Variants in RTN3 observed in about 807,000 individuals in gnomAD.
The protein encoded by RTN3 is reticulon-3.
In RTN3, 49 loss-of-function variants were observed where a neutral mutation model predicts 77.8. That is an observed-to-expected ratio of 0.63 (90% CI 0.50 to 0.80). The LOEUF (loss-of-function observed/expected upper bound fraction) is 0.80, where lower values mean the gene tolerates loss of function less well. RTN3 is among the 30% of genes least tolerant of loss of function. RTN3 has a pLI of 0.00. For synonymous variants in RTN3, 464 were observed against 446.9 expected, an observed-to-expected ratio of 1.04 and a Z score of -0.48; for missense variants, 1,236 against 1,211.9, an observed-to-expected ratio of 1.02 and a Z score of -0.29.
At chr11:63,721,587 A>G (rs947713348) in intron 3 of RTN3, among the ~76,000 whole-genome samples, 1 of 151,888 alleles carries the variant, frequency 6.6e-6, no homozygotes, top group African/African-American at 2.4e-5. Context: ...AAAAAAAAAA[A>G]AAAAGAAAAT....
In RTN3 at chr11:63,684,129, GTTTTTTTTTTTTTT is replaced by G. The variant is rs61663789; in HGVS notation, c.142+2363_142+2376del. 4.7e-5 allele frequency among the ~76,000 whole-genome samples: 4 copies of G among 85,272 alleles called. No individual in the cohort carries two copies. The East Asian group carries it at 1.1e-3, about 24-fold the overall frequency. The allele number at this position is 85,272 out of a possible 152,430, so 55.9% of individuals were successfully genotyped here. A position where few individuals can be genotyped will look rare whatever the true frequency, so the allele number is the denominator to read the frequency against. ...ACCACGCGTGGTTAATTTTCTTTTG[GTTTTTTTTTTTTTT>G]TTTTTTTTTTTGGTTTTTTTTTTGA... On this transcript the variant is annotated intron_variant, in intron 1 of 8. Transcript: ENST00000377819.
intron 8 of RTN3, among the ~76,000 whole-genome samples, chr11:63,757,424 C>A (rs2014434619): frequency 6.6e-6 from 1 of 152,170 alleles, no homozygotes; most frequent in Non-Finnish European, 1.5e-5. Context: ...AAGCTGAAAG[C>A]TCACTGCAGC....
At chr11:63,712,774 C>T (rs2011196513) in intron 2 of RTN3, among the ~76,000 whole-genome samples, 1 of 152,080 alleles carries the variant, frequency 6.6e-6, no homozygotes, top group East Asian at 1.9e-4. Flanking sequence ...CGTGAGCCAC[C>T]GTGCCTGGCC....
intron 1 of RTN3, among the ~76,000 whole-genome samples, chr11:63,688,678 A>G (rs1941501200): frequency 6.6e-6 from 1 of 152,190 alleles, no homozygotes; most frequent in Non-Finnish European, 1.5e-5. Context: ...GTGGCTGGTA[A>G]GAACCTCAGT....
intron 3 of RTN3, among the ~76,000 whole-genome samples, chr11:63,745,452 C>T (rs2013739538): frequency 6.6e-6 from 1 of 152,200 alleles, no homozygotes; most frequent in Non-Finnish European, 1.5e-5. Context: ...GTTAGACAGG[C>T]TGGTCAGTGT....
intron 2 of RTN3, among the ~76,000 whole-genome samples, chr11:63,717,829 A>G (rs2011494848): frequency 6.6e-6 from 1 of 151,804 alleles, no homozygotes; most frequent in Non-Finnish European, 1.5e-5. Flanking sequence ...AGCCTGGCCA[A>G]CATGGTGAAA....
At chr11:63,723,416 C>CTTT (rs747766171) in intron 3 of RTN3, among the ~76,000 whole-genome samples, 1 of 136,272 alleles carries the variant, frequency 7.3e-6, no homozygotes, top group Non-Finnish European at 1.6e-5. Flanking sequence ...ATTTATTTAT[C>CTTT]TTTTTTTTTT....
intron 7 of RTN3, 129 bp from the exon 8 acceptor site, chr11:63,755,983 G>T (rs1327784890): frequency 4.6e-6 from 3 of 655,390 alleles, no homozygotes; most frequent in South Asian, 1.9e-5. Flanking sequence ...TTTAAAAACT[G>T]GGTGTTTTCA....
At chr11:63,711,502 A>T (rs1590817478) in intron 2 of RTN3, among the ~76,000 whole-genome samples, 1 of 151,062 alleles carries the variant, frequency 6.6e-6, no homozygotes, top group African/African-American at 2.4e-5. Flanking sequence ...CAATCCTCCC[A>T]CCTTAGCTTC....
intron 3 of RTN3, among the ~76,000 whole-genome samples, chr11:63,735,600 C>CTCTCTCTCTCTCTCTT (rs2013062419): frequency 1.4e-5 from 2 of 147,160 alleles, no homozygotes; most frequent in East Asian, 2.0e-4. Flanking sequence ...CTCTCTCTCT[C>CTCTCTCTCTCTCTCTT]TTTCTTTCAA....
chr11:63,704,817 T>G, intron 1 of RTN3, 34 bp from the exon 2 acceptor site: 6 of 1,469,910 alleles, frequency 4.1e-6, no homozygotes, highest in Middle Eastern at 1.7e-4. Context: ...CTGTGTGAGG[T>G]TGTCATATTC....
chr11:63,744,690 G>C (rs899873640), intron 3 of RTN3, among the ~76,000 whole-genome samples: 3 of 152,066 alleles, frequency 2.0e-5, no homozygotes, highest in African/African-American at 7.2e-5. Flanking sequence ...GAAAATAAAA[G>C]AGAATGAAAA....
At chr11:63,724,252 G>C (rs1227084795) in intron 3 of RTN3, among the ~76,000 whole-genome samples, 1 of 134,874 alleles carries the variant, frequency 7.4e-6, no homozygotes, top group African/African-American at 2.9e-5. Context: ...GCGCAATCTC[G>C]GCTCACTGCA....
Position 63,759,249 on chromosome 11 carries a change from T to G in RTN3, c.*1048T>G, listed in dbSNP as rs998369908. 1.3e-5 allele frequency: 2 copies of G among 152,210 alleles called. No individual in the cohort carries two copies. The highest frequency in any genetic ancestry group is 4.8e-5 in the African/African-American group (2 of 41,440). The allele number at this position is 152,210 out of a possible 1,614,324, so 9.4% of individuals were successfully genotyped here. ...TCTCCGATTCCCATTTGGGGGCAAGTTTTTTTCTTCACCTTCAATATGAGA... is the reference window on the plus strand; with the variant it reads ...TCTCCGATTCCCATTTGGGGGCAAGGTTTTTTCTTCACCTTCAATATGAGA... On this transcript the variant is annotated 3_prime_UTR_variant, in exon 9 of 9. Transcript: ENST00000377819.
At chr11:63,686,892 A>G (rs1474379980) in intron 1 of RTN3, among the ~76,000 whole-genome samples, 1 of 152,186 alleles carries the variant, frequency 6.6e-6, no homozygotes, top group Non-Finnish European at 1.5e-5. Flanking sequence ...TACATTTTAT[A>G]TGTTTGTTCA....
At chr11:63,695,679 A>G (rs1026331140) in intron 1 of RTN3, among the ~76,000 whole-genome samples, 1 of 152,224 alleles carries the variant, frequency 6.6e-6, no homozygotes, top group Non-Finnish European at 1.5e-5. Context: ...TCTAACCATG[A>G]GAAAAACATC....
chr11:63,704,865 T>G lies in RTN3; in HGVS notation c.157T>G (p.Ser53Ala), dbSNP rs1193104027. 5 of 1,611,448 alleles carry G rather than the reference T, an allele frequency of 3.1e-6. No individual in the cohort carries two copies. In the South Asian group the frequency reaches 5.5e-5, roughly 18 times the overall value. The change falls in exon 2 of 9, where the codon TCC becomes GCC. Residue 53 changes from serine to alanine, a missense_variant. Ser to Ala is a moderately conservative substitution (Grantham distance 99). Around this residue, in one of 3 missense-constraint regions of RTN3, gnomAD observed 1,056 missense variants for 990.4 expected, o/e 1.07. Coordinates refer to ENST00000377819, the MANE Select transcript of RTN3 (RefSeq NM_001265589.2). Reference sequence around the variant, plus strand: ...TTTTCTTTCAGATTCCTTTGTTTCTTCCTCTTCCTCTCAGCCTGTATCTCT... The same window carrying G: ...TTTTCTTTCAGATTCCTTTGTTTCTGCCTCTTCCTCTCAGCCTGTATCTCT... ...SSSCADSFVS[S>A]SSSQPVSLFS... is the part of the protein sequence containing the mutation.
In RTN3 at chr11:63,752,490, A is replaced by G. The variant is rs1233975871; in HGVS notation, c.2739-17A>G. 1 of 1,609,678 alleles carries G rather than the reference A, an allele frequency of 6.2e-7. No homozygotes were observed. Among genetic ancestry groups the G allele is most frequent in the Non-Finnish European group, 8.5e-7 (1 of 1,176,720 alleles). On this transcript the variant is annotated splice_polypyrimidine_tract_variant and intron_variant, in intron 4 of 8. Coordinates refer to ENST00000377819, the MANE Select transcript of RTN3 (RefSeq NM_001265589.2). ...CTTCCATGTCAAATGTATGACTGTT[A>G]TTTCTTCTTCTGGAAGAGCCTACCT...
intron 3 of RTN3, 135 bp downstream of exon 3, chr11:63,721,167 A>C (rs966014581): frequency 5.3e-5 from 37 of 696,438 alleles, no homozygotes; most frequent in Non-Finnish European, 7.8e-5. Context: ...GTATGATGGG[A>C]AAGGCAGATT....
Sources: gnomAD v4.1 joint callset for allele counts (sites outside exome capture counted in the v4.1 genomes callset) on GRCh38, gnomAD v4.1.1 for gene constraint, gnomAD v4.1.1 regional missense constraint, MANE v1.5 for transcripts, NCBI Gene and HGNC (gene_info 2026-07-23, HGNC 2026-07-21) for gene names.